PCDH15: variants seen among roughly 807,000 people sequenced by gnomAD.
The protein encoded by PCDH15 is protocadherin related 15, also known as protocadherin-15.
A neutral mutation model predicts 178.5 loss-of-function variants in PCDH15; 129 were observed. The ratio of observed to expected loss-of-function variants is 0.72; its 90% confidence interval spans 0.63 to 0.84. The LOEUF (loss-of-function observed/expected upper bound fraction) is 0.84, where lower values mean the gene tolerates loss of function less well. PCDH15 is among the 40% of genes least tolerant of loss of function. PCDH15 has a pLI of 0.00. For missense variants in PCDH15, 2,230 were observed against 2,099.9 expected (o/e 1.06, Z -1.21); for synonymous variants, 800 against 732.0 (o/e 1.09, Z -1.50).
chr10:54,615,550 T>C (rs185679209), intron 2 of PCDH15, among the ~76,000 whole-genome samples: 5 of 152,188 alleles, frequency 3.3e-5, no homozygotes, highest in Admixed American at 1.3e-4. Flanking sequence ...TATATGTGCA[T>C]CCATTCTATG....
chr10:55,393,445 G>T (rs1223763679), intron 2 of PCDH15, among the ~76,000 whole-genome samples: 5 of 152,084 alleles, frequency 3.3e-5, no homozygotes, highest in Admixed American at 2.6e-4. Context: ...ATGAAATTTT[G>T]CAACCATACA....
intron 1 of PCDH15, among the ~76,000 whole-genome samples, chr10:55,174,273 G>T (rs1219839327): frequency 6.6e-6 from 1 of 152,096 alleles, no homozygotes; most frequent in African/African-American, 2.4e-5. Context: ...AGGACTCAGG[G>T]TCCCCACTGA....
Position 53,806,366 on chromosome 10 carries a change from G to GAAAGT in PCDH15, c.*208_*212dup, listed in dbSNP as rs1403410765. 7 of 498,654 alleles carry GAAAGT rather than the reference G, an allele frequency of 1.4e-5. No homozygotes were observed. The highest frequency in any genetic ancestry group is 7.3e-5 in the Admixed American group (2 of 27,526). 30.9% of individuals were successfully genotyped at this position (498,654 alleles called of 1,614,324 possible). A position where few individuals can be genotyped will look rare whatever the true frequency, so the allele number is the denominator to read the frequency against. ...ATGTTTAAACGATAGGTTATTTAGT[G>GAAAGT]AAAGTATGTCCAAAAGGATTTTCTG... On this transcript the variant is annotated 3_prime_UTR_variant, in exon 38 of 38. Transcript: ENST00000644397.
intron 8 of PCDH15, among the ~76,000 whole-genome samples, chr10:54,296,144 C>CAAAAAAAAAAAAAAA (rs59721161): frequency 4.6e-4 from 22 of 48,216 alleles, no homozygotes; most frequent in South Asian, 1.4e-3. Flanking sequence ...GACTCCGTCT[C>CAAAAAAAAAAAAAAA]AAAAAAAAAA....
intron 1 of PCDH15, among the ~76,000 whole-genome samples, chr10:55,312,211 T>C (rs1422706474): frequency 6.6e-6 from 1 of 152,208 alleles, no homozygotes; most frequent in Admixed American, 6.5e-5. Context: ...AAGAAAGCTA[T>C]TAACTTTACT....
At chr10:54,600,367 G>A in intron 2 of PCDH15, 1 of 540,832 alleles carries the variant, frequency 1.8e-6, no homozygotes, top group Admixed American at 2.2e-5. Flanking sequence ...AAAAGAGAAG[G>A]GAGAGCAGGA....
chr10:55,111,527 C>T (rs1922170), intron 2 of PCDH15, among the ~76,000 whole-genome samples: 68,517 of 151,810 alleles, frequency 0.45, 19,174 homozygotes, highest in African/African-American at 0.79. Context: ...TCCAGAGATA[C>T]TATTTAAAAA....
intron 2 of PCDH15, among the ~76,000 whole-genome samples, chr10:55,494,649 C>G (rs1276878441): frequency 6.6e-6 from 1 of 151,704 alleles, no homozygotes; most frequent in East Asian, 1.9e-4. Flanking sequence ...TGCATCCCAT[C>G]AGGATCTACC....
intron 2 of PCDH15, among the ~76,000 whole-genome samples, chr10:55,401,294 T>G (rs1369138675): frequency 6.6e-6 from 1 of 152,096 alleles, no homozygotes; most frequent in African/African-American, 2.4e-5. Context: ...ATGATAAGAC[T>G]ATCTGCCTGG....
At chr10:54,279,165 AC>A (rs2058526300) in intron 8 of PCDH15, among the ~76,000 whole-genome samples, 1 of 151,586 alleles carries the variant, frequency 6.6e-6, no homozygotes, top group Admixed American at 6.6e-5. Flanking sequence ...CTTAAATAAC[AC>A]AAATAAGTAA....
intron 1 of PCDH15, among the ~76,000 whole-genome samples, chr10:54,759,302 G>A (rs1037556512): frequency 1.3e-5 from 2 of 152,048 alleles, no homozygotes; most frequent in Non-Finnish European, 2.9e-5. Flanking sequence ...TGCAAAATGT[G>A]AGCATTTCCT....
chr10:54,282,114 A>T (rs2058736694), intron 8 of PCDH15, among the ~76,000 whole-genome samples: 1 of 152,124 alleles, frequency 6.6e-6, no homozygotes, highest in Non-Finnish European at 1.5e-5. Context: ...TTTTAAATCA[A>T]TGGTACAAAT....
In PCDH15 at chr10:55,066,864, G is replaced by A. The variant is rs117493488; in HGVS notation, c.-80+99712C>T. 7.8e-3 allele frequency among the ~76,000 whole-genome samples: 1,176 copies of A among 151,618 alleles called. 8 individuals are homozygous for A. Among genetic ancestry groups the A allele is most frequent in the Non-Finnish European group, 0.012 (813 of 67,738 alleles). ...CTAATGTTCGATAGCAGACTACAGT[G>A]ACTATGCTTAATATTTTTTATACTA... On this transcript the variant is annotated intron_variant, in intron 2 of 5. Coordinates refer to the PCDH15 transcript ENST00000458638.
intron 1 of PCDH15, among the ~76,000 whole-genome samples, chr10:55,185,762 A>C (rs996630662): frequency 1.3e-5 from 2 of 151,748 alleles, no homozygotes; most frequent in African/African-American, 2.4e-5. Context: ...CAAAACATTC[A>C]AAACAATCAC....
intron 28 of PCDH15, 24 bp from the exon 29 acceptor site, chr10:53,840,520 C>T (rs914371679): frequency 7.5e-6 from 12 of 1,602,460 alleles, no homozygotes; most frequent in Admixed American, 3.3e-5. Context: ...AAAGTACAAA[C>T]ATGACAGTCC....
chr10:55,517,640 A>T (rs1841051478), intron 2 of PCDH15, among the ~76,000 whole-genome samples: 1 of 152,150 alleles, frequency 6.6e-6, no homozygotes, highest in African/African-American at 2.4e-5. Context: ...CAGCAATTGC[A>T]CTTTTGAGAA....
chr10:53,825,066 A>G, intron 32 of PCDH15: 1 of 1,450,862 alleles, frequency 6.9e-7, no homozygotes, highest in Non-Finnish European at 9.1e-7. Flanking sequence ...ACAGTACAAC[A>G]GCATTTTAAT....
At position 54,258,835 on chromosome 10, in the gene PCDH15, C is replaced by T. The variant is rs1591460785; in HGVS notation, c.877-21904G>A. On this transcript the variant is annotated intron_variant, in intron 8 of 37. Coordinates refer to ENST00000644397, the MANE Select transcript of PCDH15 (RefSeq NM_001384140.1). ...ATAATATTGTGAAAAAAACAATTTT[C>T]GTGATATAACTCACAAGGCAGAAGT... Among the ~76,000 whole-genome samples the T allele has an allele frequency of 5.3e-5, 8 of 152,128 alleles. No individual in the cohort carries two copies. The East Asian group carries it at 9.7e-4, about 18-fold the overall frequency.
chr10:55,490,317 G>C (rs1234792298), intron 2 of PCDH15, among the ~76,000 whole-genome samples: 1 of 151,728 alleles, frequency 6.6e-6, no homozygotes, highest in Non-Finnish European at 1.5e-5. Flanking sequence ...GCTATAAAGA[G>C]ACAGAGTTCC....
Sources: gnomAD v4.1 joint callset for allele counts (sites outside exome capture counted in the v4.1 genomes callset) on GRCh38, gnomAD v4.1.1 for gene constraint, MANE v1.5 for transcripts, NCBI Gene and HGNC (gene_info 2026-07-23, HGNC 2026-07-21) for gene names.